The following PRKG1 variants were observed in gnomAD, a reference collection of about 807,000 sequenced individuals.
PRKG1 encodes cGMP-dependent protein kinase 1.
A neutral mutation model predicts 88.1 loss-of-function variants in PRKG1; 35 were observed. That is an observed-to-expected ratio of 0.40 (90% CI 0.30 to 0.53). PRKG1 has a LOEUF of 0.53. Among genes scored for constraint, PRKG1 ranks in the 20% least tolerant of loss-of-function variants. PRKG1 has a pLI of 0.59. For missense variants in PRKG1, 540 were observed against 839.8 expected (o/e 0.64, Z 4.41); for synonymous variants, 303 against 292.5 (o/e 1.04, Z -0.37).
chr10:52,049,615 C>A (rs905947169), intron 5 of PRKG1, among the ~76,000 whole-genome samples: 1 of 151,862 alleles, frequency 6.6e-6, no homozygotes, highest in Non-Finnish European at 1.5e-5. Context: ...AGACAAGTGA[C>A]AGGGAGACCA....
chr10:51,951,222 C>T (rs188978219), intron 5 of PRKG1, among the ~76,000 whole-genome samples: 230 of 152,226 alleles, frequency 1.5e-3, no homozygotes, highest in African/African-American at 3.8e-3. Flanking sequence ...CCCCTATGTG[C>T]TTTGGCATTT....
intron 1 of PRKG1, among the ~76,000 whole-genome samples, chr10:51,053,058 C>T (rs978205736): frequency 5.9e-5 from 9 of 151,858 alleles, no homozygotes; most frequent in African/African-American, 1.5e-4. Context: ...AGTGAAACCC[C>T]GTCTCTACTA....
chr10:51,517,454 A>G (rs1841619407), intron 3 of PRKG1, among the ~76,000 whole-genome samples: 1 of 152,194 alleles, frequency 6.6e-6, no homozygotes, highest in Non-Finnish European at 1.5e-5. Context: ...CTTGCTGATG[A>G]CCTGGATCTG....
intron 1 of PRKG1, among the ~76,000 whole-genome samples, chr10:51,055,795 C>T (rs533676684): frequency 6.6e-6 from 1 of 152,182 alleles, no homozygotes; most frequent in Non-Finnish European, 1.5e-5. Context: ...CTTACAAATA[C>T]CATTTTCTTC....
At chr10:51,459,759 A>C (rs60717365) in intron 2 of PRKG1, among the ~76,000 whole-genome samples, 333 of 152,272 alleles carry the variant, frequency 2.2e-3, no homozygotes, top group African/African-American at 7.7e-3. Flanking sequence ...ACATCAGTAG[A>C]GTGTCTTCAT....
chr10:51,824,756 G>C (rs188475968), intron 4 of PRKG1, among the ~76,000 whole-genome samples: 19 of 152,116 alleles, frequency 1.2e-4, no homozygotes, highest in African/African-American at 2.7e-4. Context: ...GAGGTGCCAG[G>C]CTCCTTTGAA....
At chr10:51,072,063 C>A (rs191454115), upstream of PRKG1, among the ~76,000 whole-genome samples, 1 of 152,098 alleles carries the variant, frequency 6.6e-6, no homozygotes, top group South Asian at 2.1e-4. Context: ...GGCGTGGTGG[C>A]GGGTGCCTGT....
At chr10:51,827,283 A>G (rs185980983) in intron 4 of PRKG1, among the ~76,000 whole-genome samples, 1 of 152,290 alleles carries the variant, frequency 6.6e-6, no homozygotes, top group Admixed American at 6.5e-5. Flanking sequence ...TTGAAAGAGT[A>G]TTATTTATTT....
intron 3 of PRKG1, among the ~76,000 whole-genome samples, chr10:51,750,240 A>G (rs1394919363): frequency 6.6e-6 from 1 of 152,044 alleles, no homozygotes. Context: ...CTGGCCTGTC[A>G]TTTGTTTGTT....
At chr10:52,175,037 C>T (rs1341589027) in intron 9 of PRKG1, among the ~76,000 whole-genome samples, 1 of 151,988 alleles carries the variant, frequency 6.6e-6, no homozygotes. Flanking sequence ...TTGAAACTAT[C>T]ATTAACTGTG....
intron 2 of PRKG1, among the ~76,000 whole-genome samples, chr10:51,283,284 G>A (rs915654667): frequency 6.6e-6 from 1 of 151,934 alleles, no homozygotes; most frequent in Non-Finnish European, 1.5e-5. Flanking sequence ...CTTACCTGCT[G>A]TGAGATGAAA....
chr10:50,996,674 G>T (rs116970878), intron 1 of PRKG1, among the ~76,000 whole-genome samples: 445 of 152,294 alleles, frequency 2.9e-3, no homozygotes, highest in Non-Finnish European at 4.5e-3. Flanking sequence ...ATACAGTTAT[G>T]AAGGATGTGA....
chr10:51,626,155 G>A (rs1013949827), intron 3 of PRKG1, among the ~76,000 whole-genome samples: 2 of 152,250 alleles, frequency 1.3e-5, no homozygotes, highest in South Asian at 4.1e-4. Context: ...TGTTTACTAC[G>A]ATTGTGGGAA....
At chr10:51,538,154 G>A (rs969026976) in intron 3 of PRKG1, among the ~76,000 whole-genome samples, 3 of 152,020 alleles carry the variant, frequency 2.0e-5, no homozygotes, top group Non-Finnish European at 2.9e-5. Flanking sequence ...GATCTTAGTA[G>A]CAACTGTTCA....
At chr10:51,104,303 A>G (rs1448249466) in intron 1 of PRKG1, among the ~76,000 whole-genome samples, 1 of 152,216 alleles carries the variant, frequency 6.6e-6, no homozygotes. Flanking sequence ...TGCTGTTGTA[A>G]CAAGCCTTAT....
At chr10:51,320,440 A>T (rs1841425706) in intron 2 of PRKG1, 1 of 140,006 alleles carries the variant, frequency 7.1e-6, no homozygotes, top group African/African-American at 2.5e-5. Flanking sequence ...CTTATATTTA[A>T]CTGGTCAGAA....
chr10:52,024,362 G>T (rs1237285690), intron 5 of PRKG1, among the ~76,000 whole-genome samples: 1 of 150,092 alleles, frequency 6.7e-6, no homozygotes, highest in African/African-American at 2.4e-5. Context: ...TAAGTTCTAG[G>T]GTACATGTGC....
intron 2 of PRKG1, among the ~76,000 whole-genome samples, chr10:51,288,128 A>T (rs10082492): frequency 0.24 from 36,611 of 150,960 alleles, 6,661 homozygotes; most frequent in African/African-American, 0.52. Context: ...TTTATTTTTT[A>T]AATTTTTTAA....
At chr10:51,620,057 T>G (rs1441931600) in intron 3 of PRKG1, among the ~76,000 whole-genome samples, 1 of 152,170 alleles carries the variant, frequency 6.6e-6, no homozygotes, top group Admixed American at 6.5e-5. Context: ...TCTGAATGGT[T>G]GTTGTGTTTG....
Sources: gnomAD v4.1 joint callset for allele counts (sites outside exome capture counted in the v4.1 genomes callset) on GRCh38, gnomAD v4.1.1 for gene constraint, MANE v1.5 for transcripts, NCBI Gene and HGNC (gene_info 2026-07-23, HGNC 2026-07-21) for gene names.